The following DHX38 variants were observed in gnomAD, a reference collection of about 807,000 sequenced individuals.
The protein encoded by DHX38 is DEAH-box helicase 38, also known as pre-mRNA-splicing factor ATP-dependent RNA helicase PRP16.
A neutral mutation model predicts 153.1 loss-of-function variants in DHX38; 100 were observed. That is an observed-to-expected ratio of 0.65 (90% CI 0.56 to 0.77). The LOEUF is 0.77. Ranked by LOEUF, DHX38 falls within the 30% of genes least tolerant of loss-of-function variation. The probability of loss-of-function intolerance (pLI) is 0.00; values close to 1 mark genes in which losing one functional copy is unlikely to be tolerated. For missense variants in DHX38, 1,440 were observed against 1,654.0 expected (o/e 0.87, Z 2.24); for synonymous variants, 650 against 631.7 (o/e 1.03, Z -0.43).
chr16:72,105,933 G>A, intron 18 of DHX38, 72 bp from the exon 19 acceptor site: 2 of 1,417,820 alleles, frequency 1.4e-6, no homozygotes, highest in Non-Finnish European at 2.0e-6. Context: ...ACCAGGGCTT[G>A]CCTTTGTCTC....
chr16:72,109,639 A>G (rs981482020), intron 25 of DHX38, 129 bp downstream of exon 25: 11 of 880,250 alleles, frequency 1.2e-5, no homozygotes, highest in Non-Finnish European at 1.3e-5. Flanking sequence ...GCTGTGATCC[A>G]GCAGGCTGGG....
intron 11 of DHX38, among the ~76,000 whole-genome samples, chr16:72,102,268 G>A (rs1054935239): frequency 2.0e-5 from 3 of 152,164 alleles, no homozygotes; most frequent in Admixed American, 6.5e-5. Context: ...CTATTGATCA[G>A]CCCTTATTCT....
At position 72,095,482 on chromosome 16, in the gene DHX38, C is replaced by T. The variant is rs117165907; in HGVS notation, c.-19-657C>T. ...TTTAAAGAGAGGAAGAGGTAGAACT[C>T]ATGTAAAAAAATGGGTGAGGGACCA... On this transcript the variant is annotated intron_variant, in intron 1 of 26. Transcript: ENST00000268482. Among the ~76,000 whole-genome samples, 102 of 152,122 alleles carry T rather than the reference C, an allele frequency of 6.7e-4. 1 individual carries two copies. In the East Asian group the frequency reaches 0.019, roughly 29 times the overall value.
chr16:72,095,246 G>C (rs778300073), intron 1 of DHX38, among the ~76,000 whole-genome samples: 4 of 152,250 alleles, frequency 2.6e-5, no homozygotes, highest in Non-Finnish European at 5.9e-5. Flanking sequence ...CAGAAGTCTT[G>C]TAGCCACTTA....
In DHX38 at chr16:72,096,976, C is replaced by CAAGA; in HGVS notation, c.478_479insAAGA (p.Arg160GlnfsTer7). On this transcript the variant is annotated frameshift_variant, in exon 3 of 27. Coordinates refer to ENST00000268482, the MANE Select transcript of DHX38 (RefSeq NM_014003.4). LOFTEE classifies it high-confidence loss of function. ...AAAGGATTGGAAGAAGGAGAAATCG[C>CAAGA]GGGATCGAGACTATGACCGCAAGAG... 2 of 1,613,964 alleles carry CAAGA rather than the reference C, an allele frequency of 1.2e-6. No homozygotes were observed. Among genetic ancestry groups the CAAGA allele is most frequent in the Non-Finnish European group, 1.7e-6 (2 of 1,179,964 alleles).
intron 11 of DHX38, among the ~76,000 whole-genome samples, chr16:72,102,808 A>G (rs979951514): frequency 6.6e-6 from 1 of 152,210 alleles, no homozygotes; most frequent in Non-Finnish European, 1.5e-5. Flanking sequence ...AGGGTTTGCT[A>G]ATATGGTGAT....
In DHX38 at chr16:72,107,525, TC is replaced by T; in HGVS notation, c.2788del (p.Leu930SerfsTer10). The T allele has an allele frequency of 6.2e-7, 1 of 1,613,982 alleles. No individual in the cohort carries two copies. The highest frequency in any genetic ancestry group is 8.5e-7 in the Non-Finnish European group (1 of 1,179,910). On this transcript the variant is annotated frameshift_variant, in exon 20 of 27. Coordinates refer to ENST00000268482, the MANE Select transcript of DHX38 (RefSeq NM_014003.4). LOFTEE classifies it high-confidence loss of function. The surrounding 1 kb of genome is among the most constrained non-coding windows in gnomAD (Gnocchi z 5.3). ...CTCAACTCTATGTATCAGCTCTGGA[TC>T]CTCGGGGCCCTGGACAACACAGGTG... ...NMLNSMYQLW[I>X]LGALDNTGGL...
intron 9 of DHX38, 118 bp downstream of exon 9, chr16:72,100,715 G>T (rs556154551): frequency 3.6e-6 from 5 of 1,406,968 alleles, no homozygotes; most frequent in Middle Eastern, 2.6e-4. Flanking sequence ...TGGATCATTG[G>T]ATACCAGGAG....
intron 24 of DHX38, 77 bp downstream of exon 24, chr16:72,109,002 G>T: frequency 6.6e-7 from 1 of 1,512,914 alleles, no homozygotes; most frequent in South Asian, 1.3e-5. Flanking sequence ...CTGCGTTCTG[G>T]CATGAGCTTT....
In DHX38 at chr16:72,096,132, C is replaced by G. The variant is rs551232400; in HGVS notation, c.-19-7C>G. The G allele has an allele frequency of 6.3e-7, 1 of 1,577,122 alleles. No homozygotes were observed. The highest frequency in any genetic ancestry group is 1.7e-5 in the Admixed American group (1 of 58,118). On this transcript the variant is annotated splice_region_variant and splice_polypyrimidine_tract_variant and intron_variant, in intron 1 of 26. Coordinates refer to ENST00000268482, the MANE Select transcript of DHX38 (RefSeq NM_014003.4). ...CTCTAGTACCAAATGGTTTGCCTTC[C>G]TTCCAGAGAAATCCCAGATCCTGTG... is the stretch of plus-strand genomic sequence containing the variant.
chr16:72,098,452 A>C (rs765704538), intron 4 of DHX38, among the ~76,000 whole-genome samples, 193 bp from the exon 5 acceptor site: 1 of 152,186 alleles, frequency 6.6e-6, no homozygotes, highest in Non-Finnish European at 1.5e-5. Context: ...AAAAAAGGAA[A>C]AATACATCCT....
chr16:72,100,640 C>T lies in DHX38; in HGVS notation c.1278+43C>T, dbSNP rs767827821. The T allele has an allele frequency of 5.6e-6, 9 of 1,602,010 alleles. No homozygotes were observed. The African/African-American group carries it at 1.1e-4, about 19-fold the overall frequency. ...CCAGGGACAAGACAGCTCAGAGAGA[C>T]CTGATGTGGGCCAGGTGCAGTGGCT... On this transcript the variant is annotated intron_variant, in intron 9 of 26. Transcript: ENST00000268482.
intron 23 of DHX38, 90 bp from the exon 24 acceptor site, chr16:72,108,710 A>G (rs577169597): frequency 5.4e-4 from 860 of 1,589,486 alleles, no homozygotes; most frequent in Non-Finnish European, 6.7e-4. Context: ...GCTTCCGCCA[A>G]AGGCTGTGTC....
chr16:72,100,388 G>T, intron 8 of DHX38, 48 bp from the exon 9 acceptor site: 1 of 1,594,032 alleles, frequency 6.3e-7, no homozygotes, highest in East Asian at 2.3e-5. Context: ...CTTTCAGGAC[G>T]ACCTTTGGGG....
In DHX38 at chr16:72,103,624, G is replaced by A; in HGVS notation, c.1660G>A (p.Val554Ile). The A allele has an allele frequency of 1.2e-6, 2 of 1,611,410 alleles. No homozygotes were observed. Among genetic ancestry groups the A allele is most frequent in the Non-Finnish European group, 8.5e-7 (1 of 1,177,666 alleles). Residue 554 changes from valine (V) to isoleucine (I), a missense_variant, in exon 13 of 27, where the codon GTT becomes ATT. Around this residue, in one of 6 missense-constraint regions of DHX38, gnomAD observed 241 missense variants for 229.5 expected, o/e 1.05. Coordinates refer to ENST00000268482, the MANE Select transcript of DHX38 (RefSeq NM_014003.4). ...IIRDNSIVIV[V>I]GETGSGKTTQ... Reference sequence around the variant, plus strand: ...TAGAGACAACAGCATCGTGATCGTGGTTGGGGAGACGGGGAGTGGTAAGAC... The same window carrying A: ...TAGAGACAACAGCATCGTGATCGTGATTGGGGAGACGGGGAGTGGTAAGAC...
In DHX38 at chr16:72,105,313, C is replaced by T; in HGVS notation, c.2344C>T (p.Leu782=). ...ALAVLPIYSQ[L]PSDLQAKIFQ... ...GGCTGTGCTGCCCATCTACTCTCAG[C>T]TGCCTTCTGACCTCCAGGCCAAAAT... The change falls in exon 17 of 27, where the codon CTG becomes TTG. Residue 782 remains leucine (L), a synonymous_variant. Coordinates refer to ENST00000268482, the MANE Select transcript of DHX38 (RefSeq NM_014003.4). 6.2e-7 allele frequency: 1 copy of T among 1,614,218 alleles called. No homozygotes were observed. Among genetic ancestry groups the T allele is most frequent in the Non-Finnish European group, 8.5e-7 (1 of 1,180,036 alleles).
rs1597447617 is a variant in DHX38, at chr16:72,107,822, T to C, written c.2964+23T>C. ...AAGGTGGGGCAGCGGCTGGCTCCCC[T>C]CTCCCCGGAGGGCTCGAGGAAGTGT... On this transcript the variant is annotated intron_variant, in intron 21 of 26. Coordinates refer to ENST00000268482, the MANE Select transcript of DHX38 (RefSeq NM_014003.4). The surrounding 1 kb of genome is among the most constrained non-coding windows in gnomAD (Gnocchi z 5.3). The C allele has an allele frequency of 6.2e-7, 1 of 1,610,144 alleles. No individual in the cohort carries two copies. The highest frequency in any genetic ancestry group is 8.5e-7 in the Non-Finnish European group (1 of 1,178,858).
chr16:72,103,958 A>G lies in DHX38; in HGVS notation c.1837A>G (p.Ile613Val). The change falls in exon 14 of 27, where the codon ATC (isoleucine) becomes GTC (valine). Residue 613 changes from isoleucine to valine, a missense_variant. Physicochemically the swap from Ile to Val is conservative, Grantham distance 29 (BLOSUM62 3). Coordinates refer to ENST00000268482, the MANE Select transcript of DHX38 (RefSeq NM_014003.4). ...CTCTGACCTCCAGGTGGGCTATGCC[A>G]TCCGCTTTGAAGACTGCACTTCAGA... Reference protein sequence around the residue: ...GNLGEEVGYAIRFEDCTSENT... With the variant: ...GNLGEEVGYAVRFEDCTSENT... 6.2e-7 allele frequency: 1 copy of G among 1,614,108 alleles called. No individual in the cohort carries two copies. The highest frequency in any genetic ancestry group is 8.5e-7 in the Non-Finnish European group (1 of 1,179,960).
chr16:72,104,765 C>G lies in DHX38; in HGVS notation c.2151+139C>G, dbSNP rs2042150255. ...GGGACCATGGGGCAAATGGGGCAGC[C>G]TGCAGCTCTGGGACTCGGGGACAAA... is the stretch of plus-strand genomic sequence containing the variant. On this transcript the variant is annotated intron_variant, in intron 15 of 26. Coordinates refer to ENST00000268482, the MANE Select transcript of DHX38 (RefSeq NM_014003.4). The surrounding 1 kb of genome is among the most constrained non-coding windows in gnomAD (Gnocchi z 4.5). The G allele has an allele frequency of 8.0e-7, 1 of 1,247,304 alleles. No homozygotes were observed. Among genetic ancestry groups the G allele is most frequent in the Non-Finnish European group, 1.1e-6 (1 of 884,696 alleles). The allele number at this position is 1,247,304 out of a possible 1,614,324, so 77.3% of individuals were successfully genotyped here.
Sources: gnomAD v4.1 joint callset for allele counts (sites outside exome capture counted in the v4.1 genomes callset) on GRCh38, gnomAD v4.1.1 for gene constraint, gnomAD v4.1.1 regional missense constraint, Gnocchi (gnomAD v3.1) non-coding constraint, MANE v1.5 for transcripts, NCBI Gene and HGNC (gene_info 2026-07-23, HGNC 2026-07-21) for gene names.